TTC17: variants seen among roughly 807,000 people sequenced by gnomAD.
The protein encoded by TTC17 is tetratricopeptide repeat protein 17.
In TTC17, 58 loss-of-function variants were observed where a neutral mutation model predicts 143.8. That is an observed-to-expected ratio of 0.40 (90% CI 0.33 to 0.50). The LOEUF is 0.50. TTC17 is among the 20% of genes least tolerant of loss of function. The probability of loss-of-function intolerance (pLI) is 0.49; values close to 1 mark genes in which losing one functional copy is unlikely to be tolerated. For missense variants in TTC17, 1,273 were observed against 1,392.5 expected (o/e 0.91, Z 1.37); for synonymous variants, 501 against 497.8 (o/e 1.01, Z -0.09).
chr11:43,363,532 A>G (rs1212640741), intron 1 of TTC17, among the ~76,000 whole-genome samples: 2 of 152,254 alleles, frequency 1.3e-5, no homozygotes, highest in African/African-American at 2.4e-5. Context: ...TTGGAGGGCT[A>G]AAAATTTAAG....
chr11:43,428,195 T>C (rs898072614), intron 16 of TTC17, among the ~76,000 whole-genome samples: 1 of 152,156 alleles, frequency 6.6e-6, no homozygotes, highest in African/African-American at 2.4e-5. Context: ...TCGACCCTCA[T>C]TGAAAACTAA....
At chr11:43,450,425 A>C (rs893214812) in intron 20 of TTC17, among the ~76,000 whole-genome samples, 184 bp downstream of exon 20, 2 of 152,174 alleles carry the variant, frequency 1.3e-5, no homozygotes, top group African/African-American at 4.8e-5. Flanking sequence ...TGAGCTTATT[A>C]TTCTTTTTTT....
At chr11:43,458,131 G>A (rs1947797870) in intron 21 of TTC17, among the ~76,000 whole-genome samples, 1 of 152,180 alleles carries the variant, frequency 6.6e-6, no homozygotes, top group South Asian at 2.1e-4. Flanking sequence ...TAATTCTGCT[G>A]TCTGGGCTGG....
chr11:43,461,034 CCAGTTGCCTTCA>C (rs1299697136), intron 21 of TTC17, among the ~76,000 whole-genome samples: 5 of 152,332 alleles, frequency 3.3e-5, no homozygotes, highest in African/African-American at 9.6e-5. Flanking sequence ...CGTTAATTCA[CCAGTTGCCTTCA>C]CAGTTGCAAC....
At chr11:43,366,901 C>A (rs539262224) in intron 1 of TTC17, among the ~76,000 whole-genome samples, 47 of 152,134 alleles carry the variant, frequency 3.1e-4, no homozygotes, top group Non-Finnish European at 5.1e-4. Flanking sequence ...TGTTGTTCTT[C>A]CCCCAACACT....
chr11:43,476,083 C>T (rs746304211), intron 21 of TTC17, among the ~76,000 whole-genome samples: 2 of 152,126 alleles, frequency 1.3e-5, no homozygotes, highest in African/African-American at 4.8e-5. Flanking sequence ...CTAATAAGCA[C>T]CTTTAGTCTC....
intron 21 of TTC17, among the ~76,000 whole-genome samples, chr11:43,471,063 A>G (rs771814681): frequency 1.5e-4 from 23 of 152,330 alleles, no homozygotes; most frequent in Non-Finnish European, 3.2e-4. Flanking sequence ...AGCAGTTGGC[A>G]TTAACCAGAC....
At chr11:43,473,726 T>C (rs1948132023) in intron 21 of TTC17, among the ~76,000 whole-genome samples, 1 of 151,404 alleles carries the variant, frequency 6.6e-6, no homozygotes, top group Non-Finnish European at 1.5e-5. Flanking sequence ...AATAAAAAAA[T>C]AAAAATAATT....
chr11:43,456,973 C>A (rs1947775390), intron 21 of TTC17, among the ~76,000 whole-genome samples: 1 of 152,012 alleles, frequency 6.6e-6, no homozygotes, highest in Admixed American at 6.6e-5. Context: ...CAGAGCCAGC[C>A]ATAAGCATAT....
chr11:43,404,105 T>C lies in TTC17; in HGVS notation c.1440T>C (p.Ser480=). The C allele has an allele frequency of 6.2e-7, 1 of 1,613,208 alleles. No homozygotes were observed. The highest frequency in any genetic ancestry group is 8.5e-7 in the Non-Finnish European group (1 of 1,179,560). ...TCAAGTCTTCTCCCGTAGCCCATTCTATTCTCTGGATTTGGGGCAGGGACT... is the reference window on the plus strand; with the variant it reads ...TCAAGTCTTCTCCCGTAGCCCATTCCATTCTCTGGATTTGGGGCAGGGACT... The part of the protein sequence containing the change: ...DSVKSSPVAH[S]ILWIWGRDSD... The change falls in exon 11 of 24, where the codon TCT becomes TCC. Residue 480 remains serine, a synonymous_variant. Coordinates refer to ENST00000039989, the MANE Select transcript of TTC17 (RefSeq NM_018259.6).
chr11:43,472,405 A>G (rs1948109109), intron 21 of TTC17, among the ~76,000 whole-genome samples: 1 of 152,232 alleles, frequency 6.6e-6, no homozygotes. Flanking sequence ...AGTTATACTA[A>G]TATCAGATAA....
chr11:43,421,558 A>G (rs1946905061), intron 16 of TTC17, among the ~76,000 whole-genome samples: 1 of 152,198 alleles, frequency 6.6e-6, no homozygotes, highest in South Asian at 2.1e-4. Context: ...ACCTTCTGTC[A>G]GATCAGTGGT....
intron 5 of TTC17, chr11:43,396,143 G>A (rs141969478): frequency 2.8e-4 from 43 of 151,850 alleles, no homozygotes; most frequent in African/African-American, 1.0e-3. Context: ...TTTGTAAAAG[G>A]AAAACTTGTA....
At chr11:43,484,948 C>T (rs1035712622) in intron 21 of TTC17, among the ~76,000 whole-genome samples, 11 of 151,868 alleles carry the variant, frequency 7.2e-5, no homozygotes, top group Non-Finnish European at 1.0e-4. Flanking sequence ...ACGGAAGTTC[C>T]TTATGAGAAT....
In TTC17 at chr11:43,359,031, C is replaced by G; in HGVS notation, c.77C>G (p.Ser26Cys). 1.3e-6 allele frequency: 2 copies of G among 1,591,892 alleles called. No homozygotes were observed. The highest frequency in any genetic ancestry group is 1.7e-6 in the Non-Finnish European group (2 of 1,170,440). The part of the protein sequence containing the change: ...CSGPGWLLSL[S>C]ALLSVAARGA... ...GGCCCAGGCTGGCTCCTCAGCCTTT[C>G]CGCCTTGCTGAGTGTGGCGGCACGA... Residue 26 changes from serine to cysteine, a missense_variant, in exon 1 of 24, where the codon TCC becomes TGC. Coordinates refer to ENST00000039989, the MANE Select transcript of TTC17 (RefSeq NM_018259.6).
intron 8 of TTC17, 30 bp from the exon 9 acceptor site, chr11:43,399,858 A>G (rs1329755443): frequency 1.9e-6 from 3 of 1,573,088 alleles, no homozygotes; most frequent in East Asian, 4.5e-5. Context: ...TTATAGCTCT[A>G]ACTTTTTCCT....
intron 16 of TTC17, among the ~76,000 whole-genome samples, chr11:43,416,333 CTG>C (rs1341655616): frequency 2.6e-5 from 4 of 152,152 alleles, no homozygotes; most frequent in Admixed American, 2.6e-4. Flanking sequence ...TCCCTCAACT[CTG>C]TTGAAATTTA....
Position 43,479,144 on chromosome 11 carries a change from G to A in TTC17, c.3031-11095G>A, listed in dbSNP as rs1413504836. Among the ~76,000 whole-genome samples the A allele has an allele frequency of 2.0e-5, 3 of 152,166 alleles. No homozygotes were observed. The East Asian group carries it at 5.8e-4, about 29-fold the overall frequency. On this transcript the variant is annotated intron_variant, in intron 21 of 23. Coordinates refer to ENST00000039989, the MANE Select transcript of TTC17 (RefSeq NM_018259.6). ...AATCCCAGCTACTCTGGAGGCTGAG[G>A]CAGGAGAATAGCTTGAACCCGGGAG... is the stretch of plus-strand genomic sequence containing the variant.
chr11:43,366,441 G>T (rs920479524), intron 1 of TTC17, among the ~76,000 whole-genome samples: 8 of 151,594 alleles, frequency 5.3e-5, no homozygotes, highest in Non-Finnish European at 8.8e-5. Flanking sequence ...GGGAGGTGGA[G>T]GTTGTAGTGA....
Sources: allele counts gnomAD v4.1 joint callset (sites outside exome capture counted in the v4.1 genomes callset), GRCh38; gene constraint gnomAD v4.1.1; transcripts MANE v1.5; gene names NCBI Gene and HGNC (gene_info 2026-07-23, HGNC 2026-07-21).